STXBP5: variants seen among roughly 807,000 people sequenced by gnomAD.
The protein encoded by STXBP5 is syntaxin binding protein 5.
STXBP5 carries 50 observed loss-of-function variants against 152.4 expected under a neutral mutation model. The ratio of observed to expected loss-of-function variants is 0.33; its 90% CI spans 0.26 to 0.42. STXBP5 has a LOEUF of 0.42. STXBP5 is among the 10% of genes least tolerant of loss of function. The pLI, the probability that STXBP5 is intolerant of heterozygous loss-of-function variation, is 1.00. For missense variants in STXBP5, 1,167 were observed against 1,388.6 expected (o/e 0.84, Z 2.54); for synonymous variants, 492 against 494.7 (o/e 0.99, Z 0.07).
rs753014890 is a variant in STXBP5, at chr6:147,245,793, G to A, written c.431+6523G>A. On this transcript the variant is annotated intron_variant, in intron 4 of 27. Coordinates refer to ENST00000321680, the MANE Select transcript of STXBP5 (RefSeq NM_001127715.4). ...TCAGACAATACCATGTGATGAAGGA[G>A]GTAGAAACTGAGTGATGCAGCTATA... is the stretch of plus-strand genomic sequence containing the variant. 4.6e-5 allele frequency among the ~76,000 whole-genome samples: 7 copies of A among 152,236 alleles called. No individual in the cohort carries two copies. The South Asian group carries it at 1.5e-3, about 32-fold the overall frequency.
intron 4 of STXBP5, among the ~76,000 whole-genome samples, chr6:147,257,330 C>G (rs575356414): frequency 4.3e-4 from 66 of 151,744 alleles, no homozygotes; most frequent in African/African-American, 1.6e-3. Context: ...ACTTTTCAGT[C>G]TCAATTTAAT....
At chr6:147,355,158 C>G (rs573732746) in intron 22 of STXBP5, among the ~76,000 whole-genome samples, 1 of 152,278 alleles carries the variant, frequency 6.6e-6, no homozygotes, top group African/African-American at 2.4e-5. Flanking sequence ...GATTTTGTTA[C>G]ACTTATGATT....
intron 18 of STXBP5, among the ~76,000 whole-genome samples, chr6:147,330,504 C>T (rs1783514382): frequency 6.6e-6 from 1 of 151,878 alleles, no homozygotes; most frequent in Non-Finnish European, 1.5e-5. Context: ...AAAGGGATCC[C>T]CAGTTGGTGA....
At chr6:147,310,295 A>AT (rs1782300479) in intron 10 of STXBP5, 57 bp downstream of exon 10, 1 of 1,314,160 alleles carries the variant, frequency 7.6e-7, no homozygotes, top group African/African-American at 1.5e-5. Flanking sequence ...TAAAAAAAAA[A>AT]AAAAGACCTA....
chr6:147,361,658 C>A (rs1785073706), intron 23 of STXBP5, among the ~76,000 whole-genome samples: 1 of 151,990 alleles, frequency 6.6e-6, no homozygotes, highest in Non-Finnish European at 1.5e-5. Context: ...TGCTAAAGTC[C>A]CATCAACTAT....
chr6:147,297,746 G>C (rs535069905), intron 9 of STXBP5, among the ~76,000 whole-genome samples: 3 of 152,070 alleles, frequency 2.0e-5, no homozygotes, highest in Non-Finnish European at 4.4e-5. Context: ...TAAAAGTCTA[G>C]AATATTTTTA....
chr6:147,342,954 C>G (rs1455801653), intron 21 of STXBP5, among the ~76,000 whole-genome samples: 2 of 151,986 alleles, frequency 1.3e-5, no homozygotes, highest in Non-Finnish European at 1.5e-5. Context: ...GTGACCTGGC[C>G]TATATCCAGT....
intron 3 of STXBP5, among the ~76,000 whole-genome samples, chr6:147,236,171 A>G (rs1230749160): frequency 6.6e-6 from 1 of 152,190 alleles, no homozygotes; most frequent in Non-Finnish European, 1.5e-5. Context: ...GTAAAAAGAT[A>G]ATTATGACAA....
chr6:147,244,118 A>C (rs572927471), intron 4 of STXBP5, among the ~76,000 whole-genome samples: 46 of 152,360 alleles, frequency 3.0e-4, no homozygotes, highest in African/African-American at 1.0e-3. Context: ...TTAGCATTTA[A>C]ATTGTATTAA....
At chr6:147,370,682 G>A (rs1785499204) in intron 25 of STXBP5, among the ~76,000 whole-genome samples, 1 of 152,002 alleles carries the variant, frequency 6.6e-6, no homozygotes, top group South Asian at 2.1e-4. Flanking sequence ...AACTAAGTAA[G>A]TAACTCTGGT....
chr6:147,325,412 C>T (rs1484050520), intron 17 of STXBP5, among the ~76,000 whole-genome samples: 4 of 152,250 alleles, frequency 2.6e-5, no homozygotes, highest in African/African-American at 9.6e-5. Context: ...TAATGGAAAT[C>T]TAACAATATG....
chr6:147,345,515 G>A (rs1481285245), intron 21 of STXBP5, among the ~76,000 whole-genome samples: 2 of 152,120 alleles, frequency 1.3e-5, no homozygotes, highest in African/African-American at 4.8e-5. Context: ...CAAGAGAGTA[G>A]TGTTGGATCT....
At position 147,320,780 on chromosome 6, in the gene STXBP5, G is replaced by A. The variant is rs555795757; in HGVS notation, c.1803-4179G>A. 9.3e-4 allele frequency among the ~76,000 whole-genome samples: 141 copies of A among 152,088 alleles called. 2 individuals carry two copies. Among genetic ancestry groups the A allele is most frequent in the African/African-American group, 3.2e-3 (131 of 41,506 alleles). Reference sequence around the variant, plus strand: ...AAACTAGAAATATAAACAAATCATAGTAAAAAATATCATAAAGTAATGGCT... The same window carrying A: ...AAACTAGAAATATAAACAAATCATAATAAAAAATATCATAAAGTAATGGCT... On this transcript the variant is annotated intron_variant, in intron 16 of 27. Coordinates refer to ENST00000321680, the MANE Select transcript of STXBP5 (RefSeq NM_001127715.4).
rs1776427967 is a variant in STXBP5, at chr6:147,204,459, C to T, written c.-74C>T. On this transcript the variant is annotated 5_prime_UTR_variant, in exon 1 of 28. Transcript: ENST00000321680. This position sits in a 1 kb window ranked among gnomAD's most constrained non-coding sequence, Gnocchi z 4.3. The stretch of plus-strand genomic sequence containing the variant: ...TTTCCGCGGTCGAAGCTGCCTTCGG[C>T]CCCGGGTGGTCTCCCCCGCCCGGGG... The T allele has an allele frequency of 1.3e-6, 2 of 1,512,568 alleles. No individual in the cohort carries two copies. Among genetic ancestry groups the T allele is most frequent in the Non-Finnish European group, 1.8e-6 (2 of 1,114,154 alleles). The allele number at this position is 1,512,568 out of a possible 1,614,324, so 93.7% of individuals were successfully genotyped here.
intron 7 of STXBP5, 83 bp downstream of exon 7, chr6:147,267,250 C>G: frequency 8.7e-7 from 1 of 1,147,970 alleles, no homozygotes; most frequent in Non-Finnish European, 1.2e-6. Context: ...GGTAATTTTA[C>G]TTTAGGCAAA....
At chr6:147,339,699 C>T (rs535186787) in intron 21 of STXBP5, among the ~76,000 whole-genome samples, 6 of 151,998 alleles carry the variant, frequency 3.9e-5, no homozygotes, top group African/African-American at 1.4e-4. Context: ...AGTTTTGAAG[C>T]AATGGTTTCT....
intron 22 of STXBP5, among the ~76,000 whole-genome samples, chr6:147,358,792 A>G (rs975513160): frequency 1.3e-5 from 2 of 152,138 alleles, no homozygotes; most frequent in African/African-American, 4.8e-5. Context: ...GTGGAAGTGG[A>G]TCATCCCAAA....
intron 9 of STXBP5, among the ~76,000 whole-genome samples, chr6:147,299,465 A>G (rs1781695941): frequency 6.6e-6 from 1 of 151,960 alleles, no homozygotes; most frequent in Non-Finnish European, 1.5e-5. Flanking sequence ...AACTGTTTCA[A>G]AAAATTGAAG....
intron 27 of STXBP5, among the ~76,000 whole-genome samples, chr6:147,383,885 GT>G (rs1046238564): frequency 2.6e-5 from 4 of 151,958 alleles, no homozygotes; most frequent in African/African-American, 9.7e-5. Flanking sequence ...CTTCAGAGAG[GT>G]TCAGAGATCC....
Sources: gnomAD v4.1 joint callset for allele counts (sites outside exome capture counted in the v4.1 genomes callset) on GRCh38, gnomAD v4.1.1 for gene constraint, Gnocchi (gnomAD v3.1) non-coding constraint, MANE v1.5 for transcripts, NCBI Gene and HGNC (gene_info 2026-07-23, HGNC 2026-07-21) for gene names.